Variants in TFPI observed in about 807,000 individuals in gnomAD.
TFPI encodes tissue factor pathway inhibitor.
TFPI carries 15 observed loss-of-function variants against 34.6 expected under a neutral mutation model. The ratio of observed to expected loss-of-function variants is 0.43; its 90% CI spans 0.29 to 0.67. TFPI has a LOEUF of 0.67. Among genes scored for constraint, TFPI ranks in the 30% least tolerant of loss-of-function variants. TFPI has a pLI of 0.15. For missense variants in TFPI, 301 were observed against 364.0 expected (o/e 0.83, Z 1.41); for synonymous variants, 105 against 120.1 (o/e 0.87, Z 0.82).
At position 187,482,162 on chromosome 2, in the gene TFPI, C is replaced by T. The variant is rs544910919; in HGVS notation, c.628+1962G>A. On this transcript the variant is annotated intron_variant, in intron 6 of 7. Transcript: ENST00000233156. ...CTCTACTCACTTTAATGATAAATGACTGCAGATCTCCACTTGAATTGGTAA... is the reference window on the plus strand; with the variant it reads ...CTCTACTCACTTTAATGATAAATGATTGCAGATCTCCACTTGAATTGGTAA... 2.6e-5 allele frequency among the ~76,000 whole-genome samples: 4 copies of T among 151,896 alleles called. No individual in the cohort carries two copies. In the South Asian group the frequency reaches 8.3e-4, roughly 32 times the overall value.
At chr2:187,495,914 A>G (rs1346117282) in intron 3 of TFPI, among the ~76,000 whole-genome samples, 1 of 151,084 alleles carries the variant, frequency 6.6e-6, no homozygotes, top group Non-Finnish European at 1.5e-5. Context: ...GTAACTTACA[A>G]TTTGGAAGAA....
At chr2:187,473,120 C>G (rs1692155901) in intron 6 of TFPI, among the ~76,000 whole-genome samples, 1 of 152,032 alleles carries the variant, frequency 6.6e-6, no homozygotes, top group Non-Finnish European at 1.5e-5. Context: ...ATGTTAGAAT[C>G]AAGAAAATAT....
chr2:187,483,104 A>G lies in TFPI; in HGVS notation c.628+1020T>C, dbSNP rs184340963. Among the ~76,000 whole-genome samples, 20 of 151,986 alleles carry G rather than the reference A, an allele frequency of 1.3e-4. No homozygotes were observed. In the East Asian group the frequency reaches 2.1e-3, roughly 16 times the overall value. The stretch of plus-strand genomic sequence containing the variant: ...TCGGAGTCAACATTTTAATGCTTCA[A>G]ATCCACGTGGGCAGGGATTTTGTTT... On this transcript the variant is annotated intron_variant, in intron 6 of 7. Coordinates refer to ENST00000233156, the MANE Select transcript of TFPI (RefSeq NM_006287.6).
intron 1 of TFPI, among the ~76,000 whole-genome samples, chr2:187,530,814 T>C (rs1687920386): frequency 6.6e-6 from 1 of 152,204 alleles, no homozygotes. Context: ...GAATTAAAAA[T>C]TCGGTAAAAA....
At chr2:187,525,421 TCTCCCTTC>T (rs1687626156) in intron 1 of TFPI, among the ~76,000 whole-genome samples, 1 of 151,950 alleles carries the variant, frequency 6.6e-6, no homozygotes, top group Non-Finnish European at 1.5e-5. Context: ...CTCCTTTCTT[TCTCCCTTC>T]CTCCCTTCCT....
chr2:187,544,494 A>T (rs1688745877), intron 1 of TFPI: 1 of 152,212 alleles, frequency 6.6e-6, no homozygotes, highest in Admixed American at 6.5e-5. Context: ...AAAAACAACA[A>T]AAATCAAACC....
intron 1 of TFPI, among the ~76,000 whole-genome samples, chr2:187,508,107 G>T (rs1161658756): frequency 1.3e-5 from 2 of 152,192 alleles, no homozygotes; most frequent in Non-Finnish European, 2.9e-5. Flanking sequence ...GTTTGTCAAA[G>T]ATCAGATGAT....
intron 1 of TFPI, chr2:187,515,972 C>T (rs746571783): frequency 5.9e-5 from 9 of 152,018 alleles, no homozygotes; most frequent in Non-Finnish European, 1.2e-4. Flanking sequence ...TGAGTGGCCC[C>T]CTGAAAAAAA....
chr2:187,542,851 G>C (rs1688655582), intron 1 of TFPI, among the ~76,000 whole-genome samples: 1 of 141,490 alleles, frequency 7.1e-6, no homozygotes, highest in Non-Finnish European at 1.5e-5. Context: ...TGGGTGACAG[G>C]GTGAGACTTA....
intron 1 of TFPI, among the ~76,000 whole-genome samples, chr2:187,524,412 A>C (rs528323595): frequency 2.0e-4 from 31 of 151,966 alleles, no homozygotes; most frequent in Non-Finnish European, 4.0e-4. Flanking sequence ...ATCACCATTT[A>C]TATATTTATG....
chr2:187,525,947 A>G (rs1027752772), intron 1 of TFPI, among the ~76,000 whole-genome samples: 5 of 152,148 alleles, frequency 3.3e-5, no homozygotes, highest in Admixed American at 1.3e-4. Context: ...ATTTGATACT[A>G]TATTTACTTC....
chr2:187,514,747 A>G (rs1212573395), intron 1 of TFPI: 1 of 152,238 alleles, frequency 6.6e-6, no homozygotes, highest in African/African-American at 2.4e-5. Flanking sequence ...AGGAAAAATA[A>G]GACATTGTAA....
intron 7 of TFPI, 91 bp downstream of exon 7, chr2:187,467,662 G>A: frequency 8.6e-7 from 1 of 1,163,214 alleles, no homozygotes; most frequent in African/African-American, 1.6e-5. Context: ...TTATAATAAA[G>A]ATAATTAATT....
At chr2:187,480,882 CTTAG>C (rs1021400495) in intron 6 of TFPI, among the ~76,000 whole-genome samples, 9 of 151,916 alleles carry the variant, frequency 5.9e-5, no homozygotes, top group African/African-American at 1.9e-4. Context: ...CGGAATTGTG[CTTAG>C]TAAGTATTCA....
intron 1 of TFPI, among the ~76,000 whole-genome samples, chr2:187,542,836 C>A (rs2106309550): frequency 7.1e-6 from 1 of 140,160 alleles, no homozygotes; most frequent in East Asian, 2.1e-4. Flanking sequence ...CACTGCACTC[C>A]AGCCTGGGTG....
chr2:187,503,880 T>C, intron 1 of TFPI, 110 bp from the exon 2 acceptor site: 1 of 1,181,908 alleles, frequency 8.5e-7, no homozygotes, highest in Non-Finnish European at 1.2e-6. Context: ...TATGCCATTT[T>C]ATGTGTATAC....
At chr2:187,487,993 A>G (rs926737451) in intron 4 of TFPI, among the ~76,000 whole-genome samples, 2 of 151,340 alleles carry the variant, frequency 1.3e-5, no homozygotes, top group African/African-American at 4.8e-5. Flanking sequence ...GTGGCTCTGG[A>G]CTATGATTGA....
chr2:187,497,708 A>G (rs1188507404), intron 2 of TFPI, among the ~76,000 whole-genome samples: 2 of 151,830 alleles, frequency 1.3e-5, no homozygotes, highest in African/African-American at 4.8e-5. Context: ...CACGTTATAT[A>G]TTTTTTCTTT....
chr2:187,485,812 TG>T (rs2106020338), intron 4 of TFPI, among the ~76,000 whole-genome samples: 1 of 151,844 alleles, frequency 6.6e-6, no homozygotes, highest in Non-Finnish European at 1.5e-5. Flanking sequence ...ACAGGCGTAT[TG>T]GGCTTGAATT....
Sources: allele counts gnomAD v4.1 joint callset (sites outside exome capture counted in the v4.1 genomes callset), GRCh38; gene constraint gnomAD v4.1.1; transcripts MANE v1.5; gene names NCBI Gene and HGNC (gene_info 2026-07-23, HGNC 2026-07-21).